UBAP1: variants seen among roughly 807,000 people sequenced by gnomAD.
UBAP1 encodes ubiquitin associated protein 1.
A neutral mutation model predicts 39.0 loss-of-function variants in UBAP1; 5 were observed. The observed-to-expected ratio is 0.13, with a 90% confidence interval of 0.07 to 0.27. The LOEUF (loss-of-function observed/expected upper bound fraction) is 0.27, where lower values mean the gene tolerates loss of function less well. Among genes scored for constraint, UBAP1 ranks in the 10% least tolerant of loss-of-function variants. UBAP1 has a pLI of 1.00. For synonymous variants in UBAP1, 211 were observed against 225.1 expected, an observed-to-expected ratio of 0.94 and a Z score of 0.56; for missense variants, 490 against 608.1, an observed-to-expected ratio of 0.81 and a Z score of 2.04.
chr9:34,251,648 G>A lies in UBAP1; in HGVS notation c.*116G>A. ...CGGATTTTCTTTTGGGGGTTAGAAG[G>A]TCAGGTGTGGAGACTGCTCGCCAGT... On this transcript the variant is annotated 3_prime_UTR_variant, in exon 7 of 7. Coordinates refer to ENST00000297661, the MANE Select transcript of UBAP1 (RefSeq NM_016525.5). The A allele has an allele frequency of 2.5e-6, 3 of 1,220,666 alleles. No individual in the cohort carries two copies. Among genetic ancestry groups the A allele is most frequent in the Non-Finnish European group, 3.4e-6 (3 of 894,866 alleles). 75.6% of individuals were successfully genotyped at this position (1,220,666 alleles called of 1,614,324 possible). A position where few individuals can be genotyped will look rare whatever the true frequency, so the allele number is the denominator to read the frequency against.
Position 34,237,457 on chromosome 9 carries a change from A to G in UBAP1, c.159+3117A>G, listed in dbSNP as rs192284180. Among the ~76,000 whole-genome samples the G allele has an allele frequency of 2.8e-3, 431 of 152,308 alleles. 6 individuals are homozygous for G. Among genetic ancestry groups the G allele is most frequent in the Non-Finnish European group, 3.9e-3 (266 of 68,026 alleles). On this transcript the variant is annotated intron_variant, in intron 3 of 6. Coordinates refer to ENST00000297661, the MANE Select transcript of UBAP1 (RefSeq NM_016525.5). Reference sequence around the variant, plus strand: ...TTACTTTTTTTATCTTCCAAAGTCTATATGCAGTAAGTAATCATAATGAGG... The same window carrying G: ...TTACTTTTTTTATCTTCCAAAGTCTGTATGCAGTAAGTAATCATAATGAGG...
chr9:34,238,290 A>G (rs1186532506), intron 3 of UBAP1, among the ~76,000 whole-genome samples: 1 of 152,216 alleles, frequency 6.6e-6, no homozygotes, highest in East Asian at 1.9e-4. Context: ...GGTAGTTTCT[A>G]ATTTTCGGCT....
intron 3 of UBAP1, among the ~76,000 whole-genome samples, chr9:34,239,115 G>A (rs1470530666): frequency 6.6e-6 from 1 of 152,214 alleles, no homozygotes; most frequent in Non-Finnish European, 1.5e-5. Context: ...CGCCATCTTG[G>A]CTCACTGCAA....
intron 1 of UBAP1, among the ~76,000 whole-genome samples, chr9:34,180,242 C>A (rs1587765994): frequency 6.6e-6 from 1 of 152,114 alleles, no homozygotes; most frequent in Admixed American, 6.6e-5. Context: ...ATTGGCCGGG[C>A]GCTGTGGCTC....
chr9:34,233,343 T>C (rs34527918), intron 2 of UBAP1, among the ~76,000 whole-genome samples: 1,599 of 151,930 alleles, frequency 0.011, 22 homozygotes, highest in African/African-American at 0.032. Context: ...TGCCTTAGCC[T>C]CCTGAGTAGC....
intron 1 of UBAP1, 65 bp from the exon 2 acceptor site, chr9:34,220,843 T>G: frequency 6.9e-7 from 1 of 1,459,538 alleles, no homozygotes. Context: ...TTTTTTGTAC[T>G]CTCAATTTTC....
In UBAP1 at chr9:34,251,581, C is replaced by A. The variant is rs1211209721; in HGVS notation, c.*49C>A. On this transcript the variant is annotated 3_prime_UTR_variant, in exon 7 of 7. Transcript: ENST00000297661. ...CCGCAGAACCACCATCCCTGGGAGG[C>A]CCTGCAGAGCCCACCTGTGGGGAAA... 2 of 1,588,238 alleles carry A rather than the reference C, an allele frequency of 1.3e-6. No individual in the cohort carries two copies. The highest frequency in any genetic ancestry group is 1.8e-5 in the Admixed American group (1 of 54,522).
intron 1 of UBAP1, among the ~76,000 whole-genome samples, chr9:34,179,470 A>C (rs546893149): frequency 1.3e-4 from 19 of 151,952 alleles, no homozygotes; most frequent in Non-Finnish European, 2.2e-4. Flanking sequence ...TGGGATGCGG[A>C]AAAATGAGTT....
intron 1 of UBAP1, among the ~76,000 whole-genome samples, chr9:34,187,694 A>G (rs1017346478): frequency 3.3e-5 from 5 of 151,956 alleles, no homozygotes; most frequent in Non-Finnish European, 7.4e-5. Flanking sequence ...ATGGAAACAG[A>G]GGAATGTATT....
chr9:34,218,830 G>A (rs1832495031), intron 1 of UBAP1, among the ~76,000 whole-genome samples: 1 of 152,118 alleles, frequency 6.6e-6, no homozygotes, highest in Non-Finnish European at 1.5e-5. Context: ...CAGCTACTCA[G>A]GGAAGCTGAG....
At chr9:34,185,546 C>T (rs1428706885) in intron 1 of UBAP1, among the ~76,000 whole-genome samples, 3 of 151,904 alleles carry the variant, frequency 2.0e-5, no homozygotes, top group Non-Finnish European at 4.4e-5. Flanking sequence ...AAGATCCTAC[C>T]TCAAAAGAAA....
intron 2 of UBAP1, among the ~76,000 whole-genome samples, chr9:34,222,446 A>C (rs4879764): frequency 0.34 from 51,963 of 151,856 alleles, 9,717 homozygotes; most frequent in East Asian, 0.73. Context: ...GCTATTTCCT[A>C]TTATTTATGG....
rs1834117975 is a variant in UBAP1 at position 34,244,315 on chromosome 9, C to T, written c.1083+2207C>T. On this transcript the variant is annotated intron_variant, in intron 4 of 6. Coordinates refer to ENST00000297661, the MANE Select transcript of UBAP1 (RefSeq NM_016525.5). Reference sequence around the variant, plus strand: ...GTGATGTTTGTCTTTCTATGCCTGGCTTATTTCACTTAACATAATGATCTC... The same window carrying T: ...GTGATGTTTGTCTTTCTATGCCTGGTTTATTTCACTTAACATAATGATCTC... 3.4e-5 allele frequency among the ~76,000 whole-genome samples: 5 copies of T among 148,686 alleles called. No homozygotes were observed. In the Admixed American group the frequency reaches 3.4e-4, roughly 10 times the overall value.
chr9:34,216,830 A>G (rs1832350103), intron 1 of UBAP1, among the ~76,000 whole-genome samples: 1 of 151,498 alleles, frequency 6.6e-6, no homozygotes, highest in Non-Finnish European at 1.5e-5. Flanking sequence ...TATGTTTAGT[A>G]GAGATGGGGT....
chr9:34,209,232 C>T (rs752151360), intron 1 of UBAP1, among the ~76,000 whole-genome samples: 3 of 152,130 alleles, frequency 2.0e-5, no homozygotes, highest in African/African-American at 7.2e-5. Flanking sequence ...TGAGCCACCA[C>T]GCCTGGCCTG....
chr9:34,182,166 T>G (rs1475081484), intron 1 of UBAP1, among the ~76,000 whole-genome samples: 1 of 77,908 alleles, frequency 1.3e-5, no homozygotes, highest in Non-Finnish European at 3.3e-5. Flanking sequence ...TGACGTTTAT[T>G]TATTTATTTA....
intron 1 of UBAP1, among the ~76,000 whole-genome samples, chr9:34,196,414 C>T (rs1236274360): frequency 1.3e-5 from 2 of 151,368 alleles, no homozygotes; most frequent in African/African-American, 4.9e-5. Context: ...CTCCTGGGTT[C>T]AAGCGATTCT....
chr9:34,228,467 G>C (rs1587858537), intron 2 of UBAP1, among the ~76,000 whole-genome samples: 1 of 150,832 alleles, frequency 6.6e-6, no homozygotes, highest in Non-Finnish European at 1.5e-5. Context: ...AGGCATAATT[G>C]GTTATATTTG....
At chr9:34,219,327 A>G (rs1404465813) in intron 1 of UBAP1, among the ~76,000 whole-genome samples, 1 of 152,026 alleles carries the variant, frequency 6.6e-6, no homozygotes, top group Non-Finnish European at 1.5e-5. Context: ...GGGCTCAAGT[A>G]ATCCACCTGC....
Sources: gnomAD v4.1 joint callset for allele counts (sites outside exome capture counted in the v4.1 genomes callset) on GRCh38, gnomAD v4.1.1 for gene constraint, MANE v1.5 for transcripts, NCBI Gene and HGNC (gene_info 2026-07-23, HGNC 2026-07-21) for gene names.